Variants in PRR33 observed in about 807,000 individuals in gnomAD.
The protein encoded by PRR33 is proline-rich protein 33.
PRR33 carries 1 observed loss-of-function variant against 0.5 expected under a neutral mutation model. The observed-to-expected ratio is 2.18, with a 90% confidence interval of 0.77 to 10.34. PRR33 has a LOEUF of 10.34. Among genes scored for constraint, PRR33 ranks in the 30% most tolerant of loss-of-function variants. PRR33 has a pLI of 0.13. For synonymous variants in PRR33, 226 were observed against 110.0 expected (o/e 2.06, Z -6.60); for missense variants, 552 against 251.8 (o/e 2.19, Z -8.07).
chr11:1,889,465 G>A, the PRR33 span: 1 of 634,546 alleles, frequency 1.6e-6, no homozygotes, highest in Admixed American at 2.5e-5. Context: ...GGCACCTCCT[G>A]CTCTGTGGGG....
At chr11:1,903,581 T>G in the PRR33 span, among the ~76,000 whole-genome samples, 5 of 152,316 alleles carry the variant, frequency 3.3e-5, no homozygotes, top group South Asian at 1.0e-3. Flanking sequence ...CTTCTTAAAG[T>G]GCAGTGGTGT....
chr11:1,899,603 A>G, the PRR33 span, among the ~76,000 whole-genome samples: 2 of 152,162 alleles, frequency 1.3e-5, no homozygotes, highest in African/African-American at 4.8e-5. Flanking sequence ...TTTCCACTGG[A>G]AATGGACCCG....
chr11:1,912,639 C>G, the PRR33 span, among the ~76,000 whole-genome samples: 23 of 152,254 alleles, frequency 1.5e-4, no homozygotes, highest in Non-Finnish European at 3.2e-4. Flanking sequence ...GAGTCTCACT[C>G]TGTCGCCCAG....
the PRR33 span, among the ~76,000 whole-genome samples, chr11:1,906,181 A>T: frequency 1.3e-5 from 2 of 152,038 alleles, no homozygotes; most frequent in Non-Finnish European, 2.9e-5. Context: ...GCTTACTGGT[A>T]TGGTTAGGTT....
At position 1,889,004 on chromosome 11, in the gene PRR33, C is replaced by T. The variant is rs923847604; in HGVS notation, c.*141G>A. ...CAGACTTCCCTCAGCACCCCATGTG[C>T]CCTTCCCAGGCTGCCCTGCACCCCA... On this transcript the variant is annotated 3_prime_UTR_variant, in exon 1 of 1. Coordinates refer to ENST00000640310, the Ensembl canonical transcript of PRR33. The T allele has an allele frequency of 5.4e-6, 3 of 553,972 alleles. No homozygotes were observed. In the Admixed American group the frequency reaches 1.0e-4, roughly 19 times the overall value. 34.3% of individuals were successfully genotyped at this position (553,972 alleles called of 1,614,324 possible).
At chr11:1,902,191 C>T in the PRR33 span, among the ~76,000 whole-genome samples, 1 of 149,672 alleles carries the variant, frequency 6.7e-6, no homozygotes, top group African/African-American at 2.5e-5. Flanking sequence ...GAGATCGCGC[C>T]ACTGCACTCC....
the PRR33 span, among the ~76,000 whole-genome samples, chr11:1,899,208 G>T: frequency 1.1e-4 from 17 of 152,152 alleles, no homozygotes; most frequent in African/African-American, 4.1e-4. Flanking sequence ...TGGGATGCCA[G>T]CTGCTTCTGG....
exon 1 of PRR33, chr11:1,890,276 C>T (rs1848940658): frequency 1.4e-6 from 1 of 712,728 alleles, no homozygotes; most frequent in South Asian, 1.5e-5. Context: ...TGCGGGGAGC[C>T]TCGGCGGGGC....
chr11:1,894,560 A>G (rs1849103504), upstream of PRR33, among the ~76,000 whole-genome samples: 1 of 152,162 alleles, frequency 6.6e-6, no homozygotes, highest in African/African-American at 2.4e-5. Context: ...ACAGTGTTAC[A>G]TAAATGGCAT....
chr11:1,907,527 T>C, the PRR33 span, among the ~76,000 whole-genome samples: 1 of 152,208 alleles, frequency 6.6e-6, no homozygotes, highest in Non-Finnish European at 1.5e-5. Flanking sequence ...TTCTCCTGCC[T>C]AAGCCTCCCC....
At chr11:1,910,093 A>G in the PRR33 span, among the ~76,000 whole-genome samples, 5 of 152,200 alleles carry the variant, frequency 3.3e-5, no homozygotes, top group African/African-American at 4.8e-5. Context: ...GAACCCATCT[A>G]TGAATACACG....
At position 1,889,174 on chromosome 11, in the gene PRR33, G is replaced by A. The variant is rs771482308; in HGVS notation, c.1411C>T (p.Arg471Cys). 4.7e-5 allele frequency: 32 copies of A among 674,644 alleles called. 1 individual carries two copies. The highest frequency in any genetic ancestry group is 3.5e-4 in the South Asian group (22 of 62,406). The allele number at this position is 674,644 out of a possible 1,614,324, so 41.8% of individuals were successfully genotyped here. A position where few individuals can be genotyped will look rare whatever the true frequency, so the allele number is the denominator to read the frequency against. Residue 471 changes from arginine to cysteine, a missense_variant, in exon 1 of 1, where the codon CGC becomes TGC. Arg to Cys is a radical substitution (Grantham distance 180). Coordinates refer to ENST00000640310, the Ensembl canonical transcript of PRR33. Reference sequence around the variant, plus strand: ...TGGAGCCTCCAGCCAGTCGCTGTGCGGTTGAAGTTCTTGGGCTGGGGGCTC... The same window carrying A: ...TGGAGCCTCCAGCCAGTCGCTGTGCAGTTGAAGTTCTTGGGCTGGGGGCTC...
At chr11:1,905,929 C>T in the PRR33 span, among the ~76,000 whole-genome samples, 1 of 151,618 alleles carries the variant, frequency 6.6e-6, no homozygotes, top group African/African-American at 2.4e-5. Flanking sequence ...AGGGATCCAC[C>T]TGCCTCAGCC....
upstream of PRR33, among the ~76,000 whole-genome samples, chr11:1,893,383 G>A (rs1849072076): frequency 3.3e-5 from 5 of 151,464 alleles, no homozygotes; most frequent in South Asian, 1.1e-3. Context: ...ATGGATGGAT[G>A]AGTGGGTGAA....
chr11:1,901,972 C>T, the PRR33 span, among the ~76,000 whole-genome samples: 3 of 152,156 alleles, frequency 2.0e-5, no homozygotes, highest in South Asian at 4.1e-4. Flanking sequence ...GTGGCTCACG[C>T]CTGTAATCCC....
At chr11:1,908,898 T>C in the PRR33 span, among the ~76,000 whole-genome samples, 1 of 152,246 alleles carries the variant, frequency 6.6e-6, no homozygotes, top group Non-Finnish European at 1.5e-5. Flanking sequence ...CAAGGGGAGA[T>C]AAAGGAAGTG....
At chr11:1,888,415 G>C (rs987155869) in exon 1 of PRR33, among the ~76,000 whole-genome samples, 3 of 152,116 alleles carry the variant, frequency 2.0e-5, no homozygotes, top group African/African-American at 7.2e-5. Flanking sequence ...CATGGCCAGT[G>C]CTGAGACCCT....
At chr11:1,913,096 G>T in the PRR33 span, among the ~76,000 whole-genome samples, 8 of 151,264 alleles carry the variant, frequency 5.3e-5, no homozygotes, top group Non-Finnish European at 1.0e-4. Context: ...TTGTTCTGGG[G>T]TAATCCATAC....
the PRR33 span, among the ~76,000 whole-genome samples, chr11:1,897,752 G>T: frequency 6.6e-6 from 1 of 152,126 alleles, no homozygotes; most frequent in East Asian, 1.9e-4. The surrounding 1 kb of genome is among the most constrained non-coding windows in gnomAD (Gnocchi z 4.0). Context: ...CATCCTCATG[G>T]CCTTGTGTTT....
Sources: allele counts gnomAD v4.1 joint callset (sites outside exome capture counted in the v4.1 genomes callset), GRCh38; gene constraint gnomAD v4.1.1; non-coding constraint Gnocchi (gnomAD v3.1); transcripts MANE v1.5; gene names NCBI Gene and HGNC (gene_info 2026-07-23, HGNC 2026-07-21).